The following DLG2 variants were observed in gnomAD, a reference collection of about 807,000 sequenced individuals.
The protein encoded by DLG2 is disks large homolog 2.
In DLG2, 45 loss-of-function variants were observed where a neutral mutation model predicts 132.5. That is an observed-to-expected ratio of 0.34 (90% CI 0.27 to 0.44). The LOEUF (loss-of-function observed/expected upper bound fraction) is 0.44, where lower values mean the gene tolerates loss of function less well. DLG2 is among the 20% of genes least tolerant of loss of function. The probability of loss-of-function intolerance (pLI) is 1.00; values close to 1 mark genes in which losing one functional copy is unlikely to be tolerated. For missense variants in DLG2, 1,045 were observed against 1,196.9 expected (o/e 0.87, Z 1.87); for synonymous variants, 424 against 419.6 (o/e 1.01, Z -0.13).
At chr11:85,143,043 G>A (rs1325745536) in intron 5 of DLG2, among the ~76,000 whole-genome samples, 1 of 151,608 alleles carries the variant, frequency 6.6e-6, no homozygotes, top group Non-Finnish European at 1.5e-5. Context: ...TCCGGTTTTG[G>A]CATCGTGGTA....
At chr11:84,137,905 T>C (rs2094671023) in intron 9 of DLG2, among the ~76,000 whole-genome samples, 1 of 151,588 alleles carries the variant, frequency 6.6e-6, no homozygotes, top group African/African-American at 2.4e-5. Context: ...GCAGATTCTA[T>C]GTTCAAAGTG....
chr11:84,934,532 T>G lies in DLG2; in HGVS notation c.357+177129A>C, dbSNP rs1302934572. On this transcript the variant is annotated intron_variant, in intron 6 of 27. Coordinates refer to ENST00000376104, the MANE Select transcript of DLG2 (RefSeq NM_001142699.3). The stretch of plus-strand genomic sequence containing the variant: ...TTTTTTTTGTTTTGTTTTGTTTTTT[T>G]TTTTTTTTTTTTTTGGTGGGTAGGC... Among the ~76,000 whole-genome samples, 105 of 134,606 alleles carry G rather than the reference T, an allele frequency of 7.8e-4. 2 individuals carry two copies. Among genetic ancestry groups the G allele is most frequent in the African/African-American group, 2.8e-3 (102 of 35,900 alleles). 88.3% of individuals were successfully genotyped at this position (134,606 alleles called of 152,430 possible).
intron 17 of DLG2, among the ~76,000 whole-genome samples, chr11:83,818,082 G>A (rs929842211): frequency 6.6e-5 from 10 of 152,180 alleles, no homozygotes; most frequent in Non-Finnish European, 1.3e-4. Context: ...TTACAGAGGA[G>A]TGAGAAGATC....
chr11:84,350,994 T>C (rs1338967693), intron 7 of DLG2, among the ~76,000 whole-genome samples: 3 of 152,210 alleles, frequency 2.0e-5, no homozygotes, highest in African/African-American at 7.2e-5. Flanking sequence ...GGCATCAGCC[T>C]ATCTACCTGT....
chr11:84,058,808 A>G (rs1175317197), intron 11 of DLG2, among the ~76,000 whole-genome samples: 1 of 151,964 alleles, frequency 6.6e-6, no homozygotes, highest in African/African-American at 2.4e-5. Flanking sequence ...TTTCAAGAAC[A>G]TAAATTTTAA....
At chr11:84,428,119 G>T (rs897946525) in intron 7 of DLG2, among the ~76,000 whole-genome samples, 2 of 152,106 alleles carry the variant, frequency 1.3e-5, no homozygotes, top group African/African-American at 4.8e-5. Context: ...GACAACCAAA[G>T]CTATCCTCCA....
Position 85,483,971 on chromosome 11 carries a change from C to T in DLG2, c.40+114686G>A, listed in dbSNP as rs1357790530. Among the ~76,000 whole-genome samples, 5 of 149,290 alleles carry T rather than the reference C, an allele frequency of 3.3e-5. No homozygotes were observed. In the South Asian group the frequency reaches 6.4e-4, roughly 19 times the overall value. On this transcript the variant is annotated intron_variant, in intron 3 of 27. Transcript: ENST00000376104. ...CAATATAAAAAGATGCAAATTGGCC[C>T]GGGTCTTCCAGGAGTCGGGTTGCTT...
intron 8 of DLG2, among the ~76,000 whole-genome samples, chr11:84,200,330 ATTTC>A (rs2096575777): frequency 6.6e-6 from 1 of 152,106 alleles, no homozygotes; most frequent in Non-Finnish European, 1.5e-5. Context: ...AGCAGTTGGA[ATTTC>A]AGATTTACAG....
At chr11:83,553,706 G>T (rs1183355206) in intron 19 of DLG2, among the ~76,000 whole-genome samples, 1 of 152,014 alleles carries the variant, frequency 6.6e-6, no homozygotes, top group Non-Finnish European at 1.5e-5. Context: ...ACCCAGTAAG[G>T]TTCTGTTCAG....
intron 6 of DLG2, among the ~76,000 whole-genome samples, chr11:85,022,770 T>TA (rs983103083): frequency 1.3e-5 from 2 of 152,120 alleles, no homozygotes; most frequent in African/African-American, 2.4e-5. Context: ...AGTTGAAACT[T>TA]AAAAGTTATT....
rs746230160 is a variant in DLG2 at position 83,791,128 on chromosome 11, G to C, written c.1723-4336C>G. ...CCTTGACTCTCACCTCCATCTTGAT[G>C]CACGTCTCCTCAGAGTTTGTGGGTC... On this transcript the variant is annotated intron_variant, in intron 17 of 27. Coordinates refer to ENST00000376104, the MANE Select transcript of DLG2 (RefSeq NM_001142699.3). 6.6e-4 allele frequency: 431 copies of C among 657,776 alleles called. 1 individual carries two copies. Among genetic ancestry groups the C allele is most frequent in the Non-Finnish European group, 1.1e-3 (388 of 367,712 alleles). 40.7% of individuals were successfully genotyped at this position (657,776 alleles called of 1,614,324 possible).
chr11:84,294,234 T>C (rs2098054603), intron 7 of DLG2, among the ~76,000 whole-genome samples: 1 of 152,224 alleles, frequency 6.6e-6, no homozygotes, highest in Admixed American at 6.5e-5. Flanking sequence ...TTTATTATCT[T>C]AAAGTTATTA....
chr11:84,834,515 C>A (rs1007164106), intron 6 of DLG2, among the ~76,000 whole-genome samples: 2 of 151,396 alleles, frequency 1.3e-5, no homozygotes, highest in Non-Finnish European at 3.0e-5. Context: ...CACCACACAA[C>A]TGAACCTATT....
chr11:83,550,340 A>G (rs7939707), intron 19 of DLG2, among the ~76,000 whole-genome samples: 56,508 of 151,966 alleles, frequency 0.37, 10,685 homozygotes, highest in Middle Eastern at 0.54. Flanking sequence ...CAGTGCTCCC[A>G]ATTCACCAAG....
At chr11:83,877,892 C>T (rs1297611718) in intron 15 of DLG2, among the ~76,000 whole-genome samples, 6 of 152,176 alleles carry the variant, frequency 3.9e-5, no homozygotes, top group Admixed American at 3.3e-4. Flanking sequence ...TTTTAAAGAA[C>T]ACCAAACATT....
intron 6 of DLG2, among the ~76,000 whole-genome samples, chr11:84,907,324 T>C (rs569384353): frequency 8.5e-5 from 13 of 152,304 alleles, no homozygotes; most frequent in African/African-American, 2.9e-4. Context: ...AAAATATATA[T>C]GTAAAGAAAG....
In DLG2 at chr11:85,594,099, T is replaced by A. The variant is rs1444213475; in HGVS notation, c.40+4558A>T. On this transcript the variant is annotated intron_variant, in intron 3 of 27. Coordinates refer to ENST00000376104, the MANE Select transcript of DLG2 (RefSeq NM_001142699.3). ...AAAAAGGGGCAGAAGTATATTCGATTTACCATAAGGCAATGTGATAAATGC... is the reference window on the plus strand; with the variant it reads ...AAAAAGGGGCAGAAGTATATTCGATATACCATAAGGCAATGTGATAAATGC... Among the ~76,000 whole-genome samples the A allele has an allele frequency of 3.3e-5, 5 of 152,170 alleles. No homozygotes were observed. The East Asian group carries it at 7.7e-4, about 23-fold the overall frequency.
intron 11 of DLG2, among the ~76,000 whole-genome samples, chr11:83,986,951 T>C (rs2154179391): frequency 6.6e-6 from 1 of 152,340 alleles, no homozygotes; most frequent in South Asian, 2.1e-4. Flanking sequence ...TTGTAGATTC[T>C]GGATATTAGC....
chr11:84,821,563 A>T (rs2153983636), intron 6 of DLG2, among the ~76,000 whole-genome samples: 1 of 151,424 alleles, frequency 6.6e-6, no homozygotes, highest in Admixed American at 6.6e-5. Context: ...AGAGTGTACA[A>T]AAACAGGTGG....
Sources: allele counts gnomAD v4.1 joint callset (sites outside exome capture counted in the v4.1 genomes callset), GRCh38; gene constraint gnomAD v4.1.1; transcripts MANE v1.5; gene names NCBI Gene and HGNC (gene_info 2026-07-23, HGNC 2026-07-21).